Variants in CCNB3 observed in about 807,000 individuals in gnomAD.
The protein encoded by CCNB3 is cyclin B3.
A neutral mutation model predicts 68.0 loss-of-function variants in CCNB3; 12 were observed. The ratio of observed to expected loss-of-function variants is 0.18; its 90% CI spans 0.11 to 0.29. The LOEUF is 0.29. Ranked by LOEUF, CCNB3 falls within the 10% of genes least tolerant of loss-of-function variation. The probability of loss-of-function intolerance (pLI) is 1.00; values close to 1 mark genes in which losing one functional copy is unlikely to be tolerated. For synonymous variants in CCNB3, 354 were observed against 388.9 expected, an observed-to-expected ratio of 0.91 and a Z score of 1.06; for missense variants, 904 against 993.1, an observed-to-expected ratio of 0.91 and a Z score of 1.21.
At chrX:50,338,870 T>A (rs112038706) in intron 8 of CCNB3, among the ~76,000 whole-genome samples, 12,780 of 112,008 alleles carry the variant, frequency 0.11, 1,757 homozygotes, top group African/African-American at 0.4. Context: ...CCATTTGACC[T>A]GTCTCTAAGA....
At chrX:50,228,794 T>C (rs1391381401) in intron 1 of CCNB3, among the ~76,000 whole-genome samples, 1 of 58,231 alleles carries the variant, frequency 1.7e-5, no homozygotes, top group Non-Finnish European at 3.0e-5. Flanking sequence ...AATATATATA[T>C]AGAATAGATA....
intron 5 of CCNB3, among the ~76,000 whole-genome samples, chrX:50,302,393 A>G (rs1034960137): frequency 1.8e-5 from 2 of 112,167 alleles, no homozygotes; most frequent in Admixed American, 1.9e-4. Context: ...AATAGCTGCC[A>G]TTTACTGAGA....
At chrX:50,330,362 GT>G (rs1253432943) in intron 8 of CCNB3, among the ~76,000 whole-genome samples, 4 of 111,839 alleles carry the variant, frequency 3.6e-5, no homozygotes, top group African/African-American at 6.5e-5. Flanking sequence ...GCGCCAGACT[GT>G]CTGACTACTG....
chrX:50,307,700 C>G (rs1557213753), intron 5 of CCNB3, among the ~76,000 whole-genome samples: 1 of 110,773 alleles, frequency 9.0e-6, no homozygotes, highest in Non-Finnish European at 1.9e-5. Context: ...CTACCCCTGT[C>G]CCAGCCTCAG....
At chrX:50,294,821 C>T (rs1557210592) in intron 4 of CCNB3, 42 bp from the exon 5 acceptor site, 1 of 1,165,417 alleles carries the variant, frequency 8.6e-7, no homozygotes, top group South Asian at 2.0e-5. Flanking sequence ...ATTTTCTTGC[C>T]TCCTTCTTCC....
intron 3 of CCNB3, among the ~76,000 whole-genome samples, chrX:50,288,396 A>G (rs1936280676): frequency 9.0e-6 from 1 of 111,243 alleles, no homozygotes; most frequent in Non-Finnish European, 1.9e-5. Context: ...AAACTGATCT[A>G]CCTGAAACAT....
In CCNB3 at chrX:50,309,887, A is replaced by G; in HGVS notation, c.1718A>G (p.Asn573Ser). 8.3e-7 allele frequency: 1 copy of G among 1,210,194 alleles called. No individual in the cohort carries two copies. Among genetic ancestry groups the G allele is most frequent in the Non-Finnish European group, 1.1e-6 (1 of 894,766 alleles). ...FFMEPMSFRK[N>S]PTTEETVLTK... ...ATGGAGCCAATGTCATTTAGGAAGA[A>G]CCCTACAACTGAGGAGACAGTACTT... Residue 573 changes from asparagine (N) to serine (S), a missense_variant, in exon 6 of 13, where the codon AAC becomes AGC. This residue lies in a region of CCNB3 where 619 missense variants were observed against 609.8 expected (regional missense o/e 1.02). Coordinates refer to ENST00000376042, the MANE Select transcript of CCNB3 (RefSeq NM_033031.3).
chrX:50,214,154 T>A (rs1406489673), intron 1 of CCNB3, among the ~76,000 whole-genome samples: 2 of 110,346 alleles, frequency 1.8e-5, no homozygotes, highest in Non-Finnish European at 3.8e-5. Context: ...TCTGTAAAAT[T>A]TATTAATCTA....
intron 1 of CCNB3, among the ~76,000 whole-genome samples, chrX:50,280,008 T>G (rs1409129718): frequency 1.2e-5 from 1 of 84,338 alleles, no homozygotes; most frequent in African/African-American, 4.7e-5. Context: ...ACATAGAATA[T>G]ATAAATATAT....
intron 5 of CCNB3, among the ~76,000 whole-genome samples, chrX:50,302,768 T>G (rs1177025029): frequency 8.9e-6 from 1 of 111,980 alleles, no homozygotes; most frequent in Non-Finnish European, 1.9e-5. Flanking sequence ...AGGTTATCCG[T>G]GTCATAGCAG....
rs782275909 is a variant in CCNB3 at position 50,310,314 on chromosome X, G to A, written c.2145G>A (p.Glu715=). ...TGAAGAACTTGTTGGCTTTGCAGGA[G>A]AAAAGCACCATGGAAGAAGAGTCCC... ...DSLKNLLALQ[E]KSTMEEESLI... Residue 715 remains glutamate, a synonymous_variant, in exon 6 of 13, where the codon GAG becomes GAA. Transcript: ENST00000376042. 3.4e-4 allele frequency: 413 copies of A among 1,210,770 alleles called. No homozygotes were observed. Among genetic ancestry groups the A allele is most frequent in the Non-Finnish European group, 4.3e-4 (387 of 895,270 alleles).
At chrX:50,305,749 T>C (rs782767980) in intron 5 of CCNB3, among the ~76,000 whole-genome samples, 1 of 105,611 alleles carries the variant, frequency 9.5e-6, no homozygotes, top group East Asian at 3.0e-4. Flanking sequence ...TTGGGAAGTA[T>C]TGATATGGGT....
rs750471678 is a variant in CCNB3, at chrX:50,285,220, C to T, written c.57C>T (p.Ser19=). 1.7e-6 allele frequency: 2 copies of T among 1,210,545 alleles called. No homozygotes were observed. The highest frequency in any genetic ancestry group is 5.9e-5 in the East Asian group (2 of 33,811). The change falls in exon 3 of 13, where the codon TCC becomes TCT. Residue 19 remains serine (S), a synonymous_variant. Transcript: ENST00000376042. ...SSKPVPKKSQ[S]SKIVPSHHDP... ...AACCTGTGCCTAAGAAATCTCAGTC[C>T]AGCAAAATTGTGCCCAGTCATCATG... is the stretch of plus-strand genomic sequence containing the variant.
intron 1 of CCNB3, among the ~76,000 whole-genome samples, chrX:50,220,693 T>A (rs1284883649): frequency 8.9e-6 from 1 of 111,882 alleles, no homozygotes; most frequent in Non-Finnish European, 1.9e-5. Flanking sequence ...TATTGAGGAT[T>A]TTTGCATCAA....
At chrX:50,212,280 T>C (rs1167551926) in intron 1 of CCNB3, among the ~76,000 whole-genome samples, 3 of 111,690 alleles carry the variant, frequency 2.7e-5, no homozygotes, top group African/African-American at 9.8e-5. Context: ...ATTTACATAA[T>C]TGAAAATAAG....
chrX:50,309,216 A>T lies in CCNB3; in HGVS notation c.1047A>T (p.Ser349=), dbSNP rs1921260394. The T allele has an allele frequency of 8.3e-7, 1 of 1,209,726 alleles. No homozygotes were observed. Among genetic ancestry groups the T allele is most frequent in the African/African-American group, 1.7e-5 (1 of 57,671 alleles). Residue 349 remains serine, a synonymous_variant, in exon 6 of 13, where the codon TCA becomes TCT. Coordinates refer to ENST00000376042, the MANE Select transcript of CCNB3 (RefSeq NM_033031.3). The stretch of plus-strand genomic sequence containing the variant: ...ATGAGATGTCCATCTTGAAGAAATC[A>T]TTGGCCTTGCAGAAGACCAACTTTA... ...TEHEMSILKK[S]LALQKTNFKE... is the part of the protein sequence containing the mutation.
chrX:50,221,809 A>C (rs968283124), intron 1 of CCNB3, among the ~76,000 whole-genome samples: 2 of 111,277 alleles, frequency 1.8e-5, no homozygotes, highest in Non-Finnish European at 3.8e-5. Flanking sequence ...AGCTGAGTTC[A>C]AGTCCTGAAT....
At chrX:50,210,488 G>T (rs1471618136) in intron 1 of CCNB3, among the ~76,000 whole-genome samples, 1 of 112,041 alleles carries the variant, frequency 8.9e-6, no homozygotes, top group Non-Finnish European at 1.9e-5. Context: ...CTGTGGTTTT[G>T]GTGGATAGAC....
At chrX:50,284,196 T>C (rs1168567659) in intron 1 of CCNB3, among the ~76,000 whole-genome samples, 1 of 111,320 alleles carries the variant, frequency 9.0e-6, no homozygotes, top group Non-Finnish European at 1.9e-5. Flanking sequence ...CATCTTCCTT[T>C]CTCTTCCCCC....
Sources: gnomAD v4.1 joint callset for allele counts (sites outside exome capture counted in the v4.1 genomes callset) on GRCh38, gnomAD v4.1.1 for gene constraint, gnomAD v4.1.1 regional missense constraint, MANE v1.5 for transcripts, NCBI Gene and HGNC (gene_info 2026-07-23, HGNC 2026-07-21) for gene names.